The following TNIK variants were observed in gnomAD, a reference collection of about 807,000 sequenced individuals.
The protein encoded by TNIK is TRAF2 and NCK interacting kinase.
Under a neutral mutation model 191.3 loss-of-function variants are expected in TNIK, and 49 were observed. The observed-to-expected ratio is 0.26, with a 90% CI of 0.20 to 0.32. TNIK has a LOEUF of 0.32. Among genes scored for constraint, TNIK ranks in the 10% least tolerant of loss-of-function variants. The probability of loss-of-function intolerance (pLI) is 1.00; values close to 1 mark genes in which losing one functional copy is unlikely to be tolerated. For missense variants in TNIK, 1,155 were observed against 1,702.3 expected, an observed-to-expected ratio of 0.68 and a Z score of 5.66; for synonymous variants, 594 against 600.9, an observed-to-expected ratio of 0.99 and a Z score of 0.17.
intron 9 of TNIK, among the ~76,000 whole-genome samples, chr3:171,171,398 C>G (rs1735262830): frequency 6.6e-6 from 1 of 152,034 alleles, no homozygotes; most frequent in Admixed American, 6.6e-5. Context: ...AGCCTTGGAG[C>G]AAAAGCAGGA....
intron 4 of TNIK, among the ~76,000 whole-genome samples, chr3:171,204,818 A>G (rs1335356397): frequency 6.6e-6 from 1 of 152,188 alleles, no homozygotes; most frequent in Non-Finnish European, 1.5e-5. Context: ...ACTATTTTTC[A>G]TGACCAAAGG....
intron 21 of TNIK, among the ~76,000 whole-genome samples, chr3:171,102,539 A>C (rs1210227327): frequency 6.6e-6 from 1 of 152,126 alleles, no homozygotes; most frequent in African/African-American, 2.4e-5. Flanking sequence ...AGTTCTGCAA[A>C]AGCATGGCCG....
At position 171,460,405 on chromosome 3, in the gene TNIK, T is replaced by C; in HGVS notation, c.-342A>G. Reference sequence around the variant, plus strand: ...TGGATGGCGGCTGCATTGGCTGTTATAATGAGACACATCAACTCCTCCACT... The same window carrying C: ...TGGATGGCGGCTGCATTGGCTGTTACAATGAGACACATCAACTCCTCCACT... On this transcript the variant is annotated 5_prime_UTR_variant, in exon 1 of 33. Coordinates refer to ENST00000436636, the MANE Select transcript of TNIK (RefSeq NM_015028.4). The surrounding 1 kb of genome is among the most constrained non-coding windows in gnomAD (Gnocchi z 6.8). 2.3e-5 allele frequency: 9 copies of C among 384,422 alleles called. No homozygotes were observed. The highest frequency in any genetic ancestry group is 2.0e-4 in the South Asian group (8 of 40,222). 23.8% of individuals were successfully genotyped at this position (384,422 alleles called of 1,614,324 possible).
At chr3:171,123,823 A>G (rs1002010490) in intron 17 of TNIK, 121 bp from the exon 18 acceptor site, 2 of 604,044 alleles carry the variant, frequency 3.3e-6, no homozygotes, top group Admixed American at 3.6e-5. Context: ...ACAGTAAAGA[A>G]CTATCTTTCA....
intron 18 of TNIK, among the ~76,000 whole-genome samples, chr3:171,113,377 AG>A (rs1242447642): frequency 6.6e-6 from 1 of 152,164 alleles, no homozygotes; most frequent in African/African-American, 2.4e-5. Flanking sequence ...AGGCCAAGGC[AG>A]GCAGATCACG....
intron 7 of TNIK, among the ~76,000 whole-genome samples, chr3:171,184,645 T>A (rs866181050): frequency 3.3e-5 from 5 of 152,322 alleles, no homozygotes; most frequent in Non-Finnish European, 5.9e-5. Flanking sequence ...TTTGAGAGTG[T>A]AAATGCATCA....
At chr3:171,183,105 C>T (rs1736866734) in intron 7 of TNIK, among the ~76,000 whole-genome samples, 1 of 152,188 alleles carries the variant, frequency 6.6e-6, no homozygotes, top group Non-Finnish European at 1.5e-5. Flanking sequence ...GGTAAGATGA[C>T]AGGGAGCTCT....
In TNIK at chr3:171,139,590, CAGAA is replaced by C. The variant is rs760131525; in HGVS notation, c.1333-38_1333-35del. Reference sequence around the variant, plus strand: ...GTAGGCAGCAGAGAATTCAGAGGAACAGAAAGAAAGAGAGAAATGAACCAGTAAT... The same window carrying C: ...GTAGGCAGCAGAGAATTCAGAGGAACAGAAAGAGAGAAATGAACCAGTAAT... On this transcript the variant is annotated intron_variant, in intron 13 of 32. Transcript: ENST00000436636. The C allele has an allele frequency of 8.1e-6, 13 of 1,604,684 alleles. No homozygotes were observed. In the South Asian group the frequency reaches 9.9e-5, roughly 12 times the overall value.
chr3:171,430,922 G>A (rs771880656), intron 1 of TNIK, among the ~76,000 whole-genome samples: 6 of 152,208 alleles, frequency 3.9e-5, no homozygotes, highest in Admixed American at 1.3e-4. Context: ...CAAGAGAAGA[G>A]TAGACCTTAA....
rs182940515 is a variant in TNIK, at chr3:171,228,708, C to G, written c.124-487G>C. 9.8e-5 allele frequency among the ~76,000 whole-genome samples: 15 copies of G among 152,306 alleles called. No individual in the cohort carries two copies. In the East Asian group the frequency reaches 1.7e-3, roughly 18 times the overall value. On this transcript the variant is annotated intron_variant, in intron 2 of 32. Coordinates refer to ENST00000436636, the MANE Select transcript of TNIK (RefSeq NM_015028.4). ...TCTTTATCTTAAAAGGGAGCCTAAA[C>G]TAAAACAGATAGCAATCAATCCAAA...
chr3:171,301,277 A>G (rs940288089), intron 2 of TNIK, among the ~76,000 whole-genome samples: 2 of 152,004 alleles, frequency 1.3e-5, no homozygotes, highest in African/African-American at 4.8e-5. Context: ...GCAGACAGAT[A>G]CAGAATGTAG....
intron 18 of TNIK, among the ~76,000 whole-genome samples, chr3:171,120,323 C>A (rs1432001875): frequency 2.2e-5 from 3 of 136,406 alleles, no homozygotes; most frequent in Non-Finnish European, 4.7e-5. Context: ...TTTTTTCTTT[C>A]TTTTTTTTTT....
intron 3 of TNIK, among the ~76,000 whole-genome samples, chr3:171,217,339 C>A (rs965176354): frequency 6.6e-6 from 1 of 152,068 alleles, no homozygotes; most frequent in Non-Finnish European, 1.5e-5. Flanking sequence ...TGAATGGGTG[C>A]TAAGCATTGG....
intron 12 of TNIK, among the ~76,000 whole-genome samples, chr3:171,146,969 T>C (rs1025173387): frequency 1.3e-5 from 2 of 152,032 alleles, no homozygotes; most frequent in Admixed American, 6.6e-5. Flanking sequence ...AGCTAAACTT[T>C]CAATGAGGGT....
rs142394424 is a variant in TNIK at position 171,199,088 on chromosome 3, G to A, written c.307-4453C>T. 3.6e-3 allele frequency among the ~76,000 whole-genome samples: 543 copies of A among 152,118 alleles called. 1 individual carries two copies. Among genetic ancestry groups the A allele is most frequent in the Admixed American group, 6.5e-3 (100 of 15,280 alleles). ...GTAGGAAACAATCCTACTCTAGCCAGGCACTACTGTCAGTGATTTCTATAA... is the reference window on the plus strand; with the variant it reads ...GTAGGAAACAATCCTACTCTAGCCAAGCACTACTGTCAGTGATTTCTATAA... On this transcript the variant is annotated intron_variant, in intron 4 of 32. Coordinates refer to ENST00000436636, the MANE Select transcript of TNIK (RefSeq NM_015028.4).
chr3:171,383,887 A>G (rs1364952897), intron 1 of TNIK, among the ~76,000 whole-genome samples: 1 of 152,164 alleles, frequency 6.6e-6, no homozygotes, highest in East Asian at 1.9e-4. Flanking sequence ...ATGTGCTATC[A>G]CAGACACTGT....
Position 171,266,720 on chromosome 3 carries a change from T to C in TNIK, c.124-38499A>G, listed in dbSNP as rs190940644. ...CAAAAGGAACCAAGCAGAAATTTGG[T>C]AAAACAATCTGAAAAAATTATAGAG... On this transcript the variant is annotated intron_variant, in intron 2 of 32. Transcript: ENST00000436636. 1.5e-3 allele frequency among the ~76,000 whole-genome samples: 222 copies of C among 152,272 alleles called. 3 individuals are homozygous for C. Among genetic ancestry groups the C allele is most frequent in the Admixed American group, 0.014 (220 of 15,290 alleles).
chr3:171,221,146 G>A (rs149539073), intron 3 of TNIK, among the ~76,000 whole-genome samples: 1 of 152,258 alleles, frequency 6.6e-6, no homozygotes, highest in African/African-American at 2.4e-5. Context: ...CAAAGGTGGA[G>A]GGTATTAGGA....
chr3:171,161,003 G>A (rs369352876), intron 11 of TNIK, among the ~76,000 whole-genome samples: 7 of 152,224 alleles, frequency 4.6e-5, no homozygotes, highest in East Asian at 1.9e-4. Flanking sequence ...CCCATTCTAC[G>A]TGTTACATAT....
Sources: allele counts gnomAD v4.1 joint callset (sites outside exome capture counted in the v4.1 genomes callset), GRCh38; gene constraint gnomAD v4.1.1; non-coding constraint Gnocchi (gnomAD v3.1); transcripts MANE v1.5; gene names NCBI Gene and HGNC (gene_info 2026-07-23, HGNC 2026-07-21).